Variants in SMYD3 observed in about 807,000 individuals in gnomAD.
The protein encoded by SMYD3 is histone-lysine N-methyltransferase SMYD3.
In SMYD3, 36 loss-of-function variants were observed where a neutral mutation model predicts 57.7. The ratio of observed to expected loss-of-function variants is 0.62; its 90% confidence interval spans 0.48 to 0.82. The LOEUF is 0.82. Ranked by LOEUF, SMYD3 falls within the 40% of genes least tolerant of loss-of-function variation. The pLI, the probability that SMYD3 is intolerant of heterozygous loss-of-function variation, is 0.00. For synonymous variants in SMYD3, 211 were observed against 195.0 expected (o/e 1.08, Z -0.68); for missense variants, 515 against 538.8 (o/e 0.96, Z 0.44).
intron 1 of SMYD3, among the ~76,000 whole-genome samples, chr1:246,467,099 G>A (rs915341486): frequency 4.6e-5 from 7 of 151,894 alleles, no homozygotes; most frequent in Non-Finnish European, 8.8e-5. Context: ...GAGCCCAGGA[G>A]GTGGAGGTTG....
At chr1:246,074,490 G>A (rs1288472405) in intron 5 of SMYD3, among the ~76,000 whole-genome samples, 1 of 151,930 alleles carries the variant, frequency 6.6e-6, no homozygotes, top group Non-Finnish European at 1.5e-5. Flanking sequence ...CTCTGGATTC[G>A]ACATTTAAAA....
intron 1 of SMYD3, among the ~76,000 whole-genome samples, chr1:246,468,278 A>G (rs974662935): frequency 7.9e-5 from 12 of 152,204 alleles, no homozygotes; most frequent in Non-Finnish European, 1.8e-4. Flanking sequence ...AGAATGAAAA[A>G]CAAAAAATAT....
chr1:245,820,510 A>G (rs1315774604), intron 10 of SMYD3, among the ~76,000 whole-genome samples: 2 of 148,912 alleles, frequency 1.3e-5, no homozygotes, highest in Non-Finnish European at 3.0e-5. Context: ...CTCTCTCACC[A>G]CTCCTATTCA....
intron 1 of SMYD3, among the ~76,000 whole-genome samples, chr1:246,410,335 G>A (rs140391235): frequency 0.079 from 11,998 of 152,132 alleles, 543 homozygotes; most frequent in Middle Eastern, 0.2. Flanking sequence ...ATTGTTTTGA[G>A]ATACGTCCCA....
At chr1:246,452,248 G>A (rs1005601638) in intron 1 of SMYD3, among the ~76,000 whole-genome samples, 2 of 152,116 alleles carry the variant, frequency 1.3e-5, no homozygotes, top group African/African-American at 2.4e-5. Flanking sequence ...GCTCACACCT[G>A]TAATTCTAGC....
chr1:246,411,132 T>A (rs1166361939), intron 1 of SMYD3, among the ~76,000 whole-genome samples: 1 of 152,200 alleles, frequency 6.6e-6, no homozygotes, highest in African/African-American at 2.4e-5. Flanking sequence ...CTGGATTCAT[T>A]GATTTTTTGA....
At chr1:246,235,171 A>G (rs59417715) in intron 5 of SMYD3, among the ~76,000 whole-genome samples, 31,589 of 152,142 alleles carry the variant, frequency 0.21, 4,002 homozygotes, top group East Asian at 0.58. Context: ...GAGGCAGAAG[A>G]TATACAATCA....
At chr1:245,919,132 GCCTGCAGTGTA>G (rs947313187) in intron 7 of SMYD3, among the ~76,000 whole-genome samples, 1 of 152,178 alleles carries the variant, frequency 6.6e-6, no homozygotes, top group African/African-American at 2.4e-5. Flanking sequence ...CTTCCCCGCT[GCCTGCAGTGTA>G]CCTTTCATCT....
chr1:245,891,992 C>T (rs2053414015), intron 8 of SMYD3, among the ~76,000 whole-genome samples: 1 of 152,112 alleles, frequency 6.6e-6, no homozygotes, highest in African/African-American at 2.4e-5. Context: ...ATGAACACAC[C>T]ACTGCACTTC....
At chr1:245,998,636 G>A (rs1020831700) in intron 5 of SMYD3, among the ~76,000 whole-genome samples, 1 of 152,042 alleles carries the variant, frequency 6.6e-6, no homozygotes, top group Admixed American at 6.6e-5. Context: ...ACTACCAAAC[G>A]ATCTAGCAAT....
Position 245,873,406 on chromosome 1 carries a change from T to C in SMYD3, c.814-9520A>G, listed in dbSNP as rs1429303907. ...ACAACTCCTACCCAAGTCCTGCCAA[T>C]ACTGTTGTGTAAACGCTACCAGGTG... is the stretch of plus-strand genomic sequence containing the variant. On this transcript the variant is annotated intron_variant, in intron 8 of 11. Transcript: ENST00000490107. 3.9e-5 allele frequency among the ~76,000 whole-genome samples: 6 copies of C among 152,196 alleles called. 1 individual carries two copies. Among genetic ancestry groups the C allele is most frequent in the Admixed American group, 2.6e-4 (4 of 15,284 alleles).
Position 245,843,233 on chromosome 1 carries a change from G to C in SMYD3, c.1076+15263C>G, listed in dbSNP as rs557955004. On this transcript the variant is annotated intron_variant, in intron 10 of 11. Transcript: ENST00000490107. ...CACAGGCCAGGGATCACACACTTAC[G>C]AGCCCACTGGGGTAGACAGGATGTG... Among the ~76,000 whole-genome samples the C allele has an allele frequency of 2.8e-3, 426 of 152,174 alleles. 2 individuals are homozygous for C. Among genetic ancestry groups the C allele is most frequent in the Middle Eastern group, 6.8e-3 (2 of 294 alleles).
chr1:246,498,577 A>C (rs1479888461), intron 1 of SMYD3, among the ~76,000 whole-genome samples: 1 of 152,036 alleles, frequency 6.6e-6, no homozygotes, highest in Admixed American at 6.5e-5. Context: ...TAAAAATACA[A>C]AAAATTAGCC....
chr1:246,047,709 T>C (rs1237675953), intron 5 of SMYD3, among the ~76,000 whole-genome samples: 2 of 152,046 alleles, frequency 1.3e-5, no homozygotes, highest in Non-Finnish European at 2.9e-5. Flanking sequence ...CATGGTGGTG[T>C]GTGCCTATAA....
chr1:246,344,127 C>T (rs985829573), intron 2 of SMYD3, among the ~76,000 whole-genome samples: 1 of 152,090 alleles, frequency 6.6e-6, no homozygotes, highest in Non-Finnish European at 1.5e-5. Context: ...AAACAATCCT[C>T]CCACCTTAGC....
At position 245,951,556 on chromosome 1, in the gene SMYD3, G is replaced by A. The variant is rs943668499; in HGVS notation, c.532-21619C>T. Among the ~76,000 whole-genome samples the A allele has an allele frequency of 1.7e-4, 22 of 130,334 alleles. 2 individuals carry two copies. The highest frequency in any genetic ancestry group is 6.6e-4 in the African/African-American group (20 of 30,498). The allele number at this position is 130,334 out of a possible 152,430, so 85.5% of individuals were successfully genotyped here. On this transcript the variant is annotated intron_variant, in intron 5 of 11. Transcript: ENST00000490107. ...TGCACTCCAGCCTGGGTGACAGAGCGAGGCTCTCTCTCAAAAAAAAAAAAA... is the reference window on the plus strand; with the variant it reads ...TGCACTCCAGCCTGGGTGACAGAGCAAGGCTCTCTCTCAAAAAAAAAAAAA...
At chr1:246,289,378 G>A (rs1285381565) in intron 5 of SMYD3, among the ~76,000 whole-genome samples, 2 of 152,140 alleles carry the variant, frequency 1.3e-5, no homozygotes, top group Non-Finnish European at 2.9e-5. Context: ...AAAAACTGTG[G>A]TTTTAGTGCA....
chr1:246,258,164 G>T lies in SMYD3; in HGVS notation c.531+69037C>A, dbSNP rs1484293969. Among the ~76,000 whole-genome samples, 4 of 152,148 alleles carry T rather than the reference G, an allele frequency of 2.6e-5. No homozygotes were observed. In the East Asian group the frequency reaches 7.7e-4, roughly 29 times the overall value. On this transcript the variant is annotated intron_variant, in intron 5 of 11. Transcript: ENST00000490107. The stretch of plus-strand genomic sequence containing the variant: ...CAATTCTCCTGCCTCAGCCTCCCGA[G>T]TAGCTGGGATTACAGGTGTGCACCA...
At chr1:245,872,406 C>A (rs796396516) in intron 8 of SMYD3, among the ~76,000 whole-genome samples, 18 of 103,000 alleles carry the variant, frequency 1.7e-4, no homozygotes, top group African/African-American at 4.8e-4. Flanking sequence ...ATGTCCTCTT[C>A]TCAGATGAGA....
Sources: allele counts gnomAD v4.1 joint callset (sites outside exome capture counted in the v4.1 genomes callset), GRCh38; gene constraint gnomAD v4.1.1; transcripts MANE v1.5; gene names NCBI Gene and HGNC (gene_info 2026-07-23, HGNC 2026-07-21).